Variants in TENM1 observed in about 807,000 individuals in gnomAD.
TENM1 encodes the protein teneurin transmembrane protein 1, also known as teneurin-1.
TENM1 carries 35 observed loss-of-function variants against 174.8 expected under a neutral mutation model. That is an observed-to-expected ratio of 0.20 (90% CI 0.15 to 0.27). The LOEUF (loss-of-function observed/expected upper bound fraction) is 0.27, where lower values mean the gene tolerates loss of function less well. TENM1 is among the 10% of genes least tolerant of loss of function. TENM1 has a pLI of 1.00. For missense variants in TENM1, 1,633 were observed against 2,130.1 expected (o/e 0.77, Z 4.59); for synonymous variants, 781 against 798.7 (o/e 0.98, Z 0.37).
At chrX:125,046,196 C>T in the TENM1 span, among the ~76,000 whole-genome samples, 4 of 111,727 alleles carry the variant, frequency 3.6e-5, no homozygotes, top group South Asian at 1.5e-3. Context: ...ATATATTACC[C>T]TATTAAAAGG....
At chrX:124,529,899 A>G (rs927407180) in exon 16 of TENM1, 2 of 1,211,160 alleles carry the variant, frequency 1.7e-6, no homozygotes, top group Admixed American at 4.4e-5. Flanking sequence ...ACCCATAATC[A>G]CTGTGGTGCA....
intron 1 of TENM1, among the ~76,000 whole-genome samples, chrX:124,898,022 A>G (rs1307268928): frequency 8.9e-6 from 1 of 112,115 alleles, no homozygotes; most frequent in Non-Finnish European, 1.9e-5. Context: ...CTGGTAATAA[A>G]CCTTTCAGCT....
exon 29 of TENM1, chrX:124,385,981 A>C (rs2060213419): frequency 8.3e-7 from 1 of 1,203,353 alleles, no homozygotes; most frequent in Non-Finnish European, 1.1e-6. Context: ...GCACCATGCT[A>C]GGCATGGTGA....
intron 27 of TENM1, among the ~76,000 whole-genome samples, chrX:124,394,520 C>T (rs956395188): frequency 1.8e-5 from 2 of 111,748 alleles, no homozygotes; most frequent in African/African-American, 6.5e-5. Context: ...CTCTGGTCTT[C>T]CTTTGTTCAG....
At chrX:124,982,144 T>C in the TENM1 span, among the ~76,000 whole-genome samples, 1 of 70,997 alleles carries the variant, frequency 1.4e-5, no homozygotes, top group Admixed American at 1.4e-4. Flanking sequence ...AATGGAAGTA[T>C]TGCCCGAAAA....
At chrX:125,143,711 A>T in the TENM1 span, among the ~76,000 whole-genome samples, 8 of 111,795 alleles carry the variant, frequency 7.2e-5, no homozygotes, top group Non-Finnish European at 1.3e-4. Flanking sequence ...AAGTCACAAG[A>T]TTTCCCTGAA....
Position 124,500,441 on chromosome X carries a change from A to C in TENM1, c.3445+3119T>G, listed in dbSNP as rs59697098. 6.8e-3 allele frequency among the ~76,000 whole-genome samples: 763 copies of C among 111,916 alleles called. 10 individuals are homozygous for C. The highest frequency in any genetic ancestry group is 0.024 in the African/African-American group (729 of 30,893). ...ATGTTGCTTTGAAAATATTTTGTTT[A>C]TGTTCCTAGAAATCTTGATCAATTA... On this transcript the variant is annotated intron_variant, in intron 19 of 31. Coordinates refer to ENST00000422452, the Ensembl canonical transcript of TENM1.
chrX:124,471,448 C>T (rs1459675231), intron 22 of TENM1, among the ~76,000 whole-genome samples: 4 of 33,160 alleles, frequency 1.2e-4, no homozygotes, highest in South Asian at 4.0e-3. Context: ...ATATATAGTA[C>T]TATATATAAT....
intron 22 of TENM1, among the ~76,000 whole-genome samples, chrX:124,457,760 T>C (rs972589790): frequency 5.4e-5 from 6 of 111,841 alleles, no homozygotes; most frequent in Admixed American, 9.5e-5. Flanking sequence ...AGATTTGAGT[T>C]TTTGGCTGTG....
chrX:124,466,451 A>G (rs192539259), intron 22 of TENM1, among the ~76,000 whole-genome samples: 128 of 112,197 alleles, frequency 1.1e-3, no homozygotes, highest in African/African-American at 3.9e-3. Flanking sequence ...CATTTCCAGG[A>G]ACTAGGAAGA....
chrX:124,593,328 T>A (rs1202602778), intron 11 of TENM1, among the ~76,000 whole-genome samples: 1 of 111,476 alleles, frequency 9.0e-6, no homozygotes, highest in Non-Finnish European at 1.9e-5. Context: ...GAGATCTGCC[T>A]GGGCTTGGAG....
At chrX:124,442,464 A>G (rs2060913583) in intron 23 of TENM1, among the ~76,000 whole-genome samples, 1 of 111,527 alleles carries the variant, frequency 9.0e-6, no homozygotes, top group African/African-American at 3.3e-5. Context: ...CAGTGTGCAC[A>G]TGGGAGACTG....
At chrX:124,639,734 AATT>A (rs1437766616) in intron 11 of TENM1, among the ~76,000 whole-genome samples, 2 of 111,284 alleles carry the variant, frequency 1.8e-5, no homozygotes, top group Admixed American at 9.5e-5. Flanking sequence ...AATACATAAT[AATT>A]ATTATGTGTT....
At chrX:125,092,494 A>G in the TENM1 span, among the ~76,000 whole-genome samples, 2 of 112,087 alleles carry the variant, frequency 1.8e-5, no homozygotes, top group African/African-American at 6.5e-5. Flanking sequence ...ACACATTAAA[A>G]GGAGTCATAT....
At chrX:125,107,638 T>C in the TENM1 span, among the ~76,000 whole-genome samples, 2 of 111,401 alleles carry the variant, frequency 1.8e-5, no homozygotes, top group Non-Finnish European at 3.8e-5. Context: ...GACAATCCAA[T>C]AAAAAGAATT....
the TENM1 span, among the ~76,000 whole-genome samples, chrX:125,162,051 C>T: frequency 1.8e-5 from 2 of 111,855 alleles, no homozygotes; most frequent in Non-Finnish European, 3.8e-5. Flanking sequence ...GATTTCTTAG[C>T]ACTTAAAAAG....
At chrX:124,846,074 G>A (rs927454023) in intron 3 of TENM1, among the ~76,000 whole-genome samples, 3 of 109,987 alleles carry the variant, frequency 2.7e-5, no homozygotes, top group African/African-American at 9.9e-5. Flanking sequence ...TTGGAAGGAG[G>A]TTAGGAAGAG....
At chrX:124,831,566 G>T (rs752206628) in intron 3 of TENM1, among the ~76,000 whole-genome samples, 3 of 112,097 alleles carry the variant, frequency 2.7e-5, no homozygotes, top group Non-Finnish European at 5.6e-5. Flanking sequence ...GCATGATGAA[G>T]AAGAACTTCG....
intron 11 of TENM1, among the ~76,000 whole-genome samples, chrX:124,568,601 TTC>T (rs1488001225): frequency 9.0e-6 from 1 of 111,696 alleles, no homozygotes; most frequent in Non-Finnish European, 1.9e-5. Flanking sequence ...AAAGGTGGAA[TTC>T]TGTTTCTAGT....
Sources: gnomAD v4.1 joint callset for allele counts (sites outside exome capture counted in the v4.1 genomes callset) on GRCh38, gnomAD v4.1.1 for gene constraint, MANE v1.5 for transcripts, NCBI Gene and HGNC (gene_info 2026-07-23, HGNC 2026-07-21) for gene names.